The following NAA16 variants were observed in gnomAD, a reference collection of about 807,000 sequenced individuals.
The protein encoded by NAA16 is NARG1-like protein.
In NAA16, 97 loss-of-function variants were observed where a neutral mutation model predicts 110.3. That is an observed-to-expected ratio of 0.88 (90% CI 0.75 to 1.04). NAA16 has a LOEUF of 1.04. Ranked by LOEUF, NAA16 falls within the 50% of genes least tolerant of loss-of-function variation. The pLI is 0.00. For missense variants in NAA16, 1,017 were observed against 1,005.1 expected (o/e 1.01, Z -0.16); for synonymous variants, 372 against 330.6 (o/e 1.13, Z -1.36).
chr13:41,349,834 T>C (rs1292597543), intron 9 of NAA16, among the ~76,000 whole-genome samples: 1 of 151,588 alleles, frequency 6.6e-6, no homozygotes, highest in Non-Finnish European at 1.5e-5. Context: ...CTGGGCGTGG[T>C]GGAATAATCC....
At position 41,331,333 on chromosome 13, in the gene NAA16, A is replaced by C. The variant is rs746093968; in HGVS notation, c.871A>C (p.Ile291Leu). Residue 291 changes from isoleucine to leucine, a missense_variant, in exon 8 of 20, where the codon ATT (isoleucine) becomes CTT (leucine). Physicochemically the swap from Ile to Leu is conservative, Grantham distance 5. Transcript: ENST00000379406. ...AATTAGTAAGCAGCACCCCAAAGCAATTACACCCAGAAGATTACCTTTGAC... is the reference window on the plus strand; with the variant it reads ...AATTAGTAAGCAGCACCCCAAAGCACTTACACCCAGAAGATTACCTTTGAC... Reference protein sequence around the residue: ...EEISKQHPKAITPRRLPLTLV... With the variant: ...EEISKQHPKALTPRRLPLTLV... 6.2e-7 allele frequency: 1 copy of C among 1,609,746 alleles called. No individual in the cohort carries two copies. The highest frequency in any genetic ancestry group is 1.7e-5 in the Admixed American group (1 of 59,924).
chr13:41,342,889 A>G (rs370436450), intron 9 of NAA16, among the ~76,000 whole-genome samples: 52 of 152,324 alleles, frequency 3.4e-4, no homozygotes, highest in African/African-American at 1.0e-3. Flanking sequence ...GCACTCTTCC[A>G]TCAGTTTCCG....
chr13:41,325,740 T>C lies in NAA16; in HGVS notation c.580T>C (p.Leu194=), dbSNP rs563328537. 1.5e-5 allele frequency: 24 copies of C among 1,600,808 alleles called. No individual in the cohort carries two copies. The highest frequency in any genetic ancestry group is 2.2e-5 in the East Asian group (1 of 44,614). ...KIDYEYSELI[L]YQNQVMREAD... ...AGATTATGAATATAGTGAATTGATA[T>C]TATACCAGAATCAAGTGATGAGAGA... is the stretch of plus-strand genomic sequence containing the variant. Residue 194 remains leucine, a synonymous_variant, in exon 6 of 20, where the codon TTA becomes CTA. Coordinates refer to ENST00000379406, the MANE Select transcript of NAA16 (RefSeq NM_024561.5).
intron 7 of NAA16, among the ~76,000 whole-genome samples, chr13:41,330,645 T>A (rs1281076366): frequency 6.6e-6 from 1 of 152,098 alleles, no homozygotes; most frequent in Non-Finnish European, 1.5e-5. Context: ...ACATGTAGTT[T>A]ATGTATAGAT....
At chr13:41,329,119 C>T (rs2042168795) in intron 7 of NAA16, among the ~76,000 whole-genome samples, 2 of 151,866 alleles carry the variant, frequency 1.3e-5, no homozygotes, top group Non-Finnish European at 2.9e-5. Flanking sequence ...CAAAAAAAAC[C>T]ATACCAATTT....
At chr13:41,342,024 G>A (rs2042563013) in intron 9 of NAA16, among the ~76,000 whole-genome samples, 1 of 151,376 alleles carries the variant, frequency 6.6e-6, no homozygotes, top group South Asian at 2.1e-4. Flanking sequence ...AGTAGAGACG[G>A]GGTTTCACTG....
chr13:41,337,478 G>C (rs1232447935), intron 9 of NAA16, among the ~76,000 whole-genome samples: 3 of 149,942 alleles, frequency 2.0e-5, no homozygotes, highest in Non-Finnish European at 4.4e-5. Context: ...GGGAGGCAGA[G>C]CTTGAAGTGA....
In NAA16 at chr13:41,373,694, A is replaced by T; in HGVS notation, c.2213A>T (p.Gln738Leu). 6.2e-7 allele frequency: 1 copy of T among 1,611,920 alleles called. No individual in the cohort carries two copies. The highest frequency in any genetic ancestry group is 8.5e-7 in the Non-Finnish European group (1 of 1,179,156). Reference sequence around the variant, plus strand: ...AGCAAAGTTCTATCTCAAGAAATGCAGAAAATATTTGTCAAAAAGGATTTG... The same window carrying T: ...AGCAAAGTTCTATCTCAAGAAATGCTGAAAATATTTGTCAAAAAGGATTTG... ...IVSKVLSQEM[Q>L]KIFVKKDLES... is the part of the protein sequence containing the mutation. The change falls in exon 18 of 20, where the codon CAG (glutamine) becomes CTG (leucine). Residue 738 changes from glutamine (Q) to leucine (L), a missense_variant. Gln to Leu is a moderately radical substitution (Grantham distance 113). Transcript: ENST00000379406.
chr13:41,338,870 G>A (rs2042453534), intron 9 of NAA16, among the ~76,000 whole-genome samples: 1 of 152,128 alleles, frequency 6.6e-6, no homozygotes, highest in Admixed American at 6.5e-5. Flanking sequence ...CGCCTGAGCA[G>A]TGTGCACTGC....
At chr13:41,337,937 A>G (rs2042426432) in intron 9 of NAA16, among the ~76,000 whole-genome samples, 1 of 152,216 alleles carries the variant, frequency 6.6e-6, no homozygotes, top group Non-Finnish European at 1.5e-5. Context: ...CCCAGTTAGA[A>G]AAAAACATCA....
intron 13 of NAA16, 70 bp downstream of exon 13, chr13:41,362,229 G>T: frequency 6.8e-7 from 1 of 1,478,308 alleles, no homozygotes; most frequent in Non-Finnish European, 9.0e-7. Flanking sequence ...TTCTACACAG[G>T]ATCATCTGCC....
At chr13:41,350,360 C>T (rs1471956919) in intron 9 of NAA16, among the ~76,000 whole-genome samples, 1 of 148,400 alleles carries the variant, frequency 6.7e-6, no homozygotes, top group African/African-American at 2.5e-5. Context: ...GTGGTGTGAT[C>T]TCGGCTCACT....
chr13:41,371,981 G>C (rs955254251), intron 15 of NAA16, among the ~76,000 whole-genome samples: 1 of 152,102 alleles, frequency 6.6e-6, no homozygotes, highest in South Asian at 2.1e-4. Context: ...TTAATAAAAT[G>C]ATCTTGATTT....
In NAA16 at chr13:41,323,134, C is replaced by T. The variant is rs781643745; in HGVS notation, c.481C>T (p.Leu161=). The change falls in exon 5 of 20, where the codon CTG becomes TTG. Residue 161 remains leucine, a synonymous_variant. Transcript: ENST00000379406. The stretch of plus-strand genomic sequence containing the variant: ...TGGATATGCTATTGCATACCATTTG[C>T]TGAAAGATTATGATATGGCCCTAAA... ...WIGYAIAYHL[L]KDYDMALKLL... 2.5e-6 allele frequency: 4 copies of T among 1,614,018 alleles called. No individual in the cohort carries two copies. The South Asian group carries it at 4.4e-5, about 18-fold the overall frequency.
rs542616177 is a variant in NAA16 at position 41,322,147 on chromosome 13, C to A, written c.403-909C>A. ...GTCTTAGTCCTGGCTACTTGAGAGG[C>A]TGATGTAGAAGGATTGCTTGAGCCC... On this transcript the variant is annotated intron_variant, in intron 4 of 19. Coordinates refer to ENST00000379406, the MANE Select transcript of NAA16 (RefSeq NM_024561.5). Among the ~76,000 whole-genome samples, 11 of 152,234 alleles carry A rather than the reference C, an allele frequency of 7.2e-5. No individual in the cohort carries two copies. In the South Asian group the frequency reaches 2.3e-3, roughly 32 times the overall value.
intron 8 of NAA16, among the ~76,000 whole-genome samples, chr13:41,333,602 G>A (rs905496790): frequency 8.6e-5 from 13 of 152,018 alleles, no homozygotes; most frequent in African/African-American, 3.1e-4. Flanking sequence ...TATTGTGTGT[G>A]GGGGGGATAT....
At chr13:41,363,167 C>T (rs2043146782) in intron 13 of NAA16, among the ~76,000 whole-genome samples, 2 of 152,066 alleles carry the variant, frequency 1.3e-5, no homozygotes, top group Non-Finnish European at 2.9e-5. Flanking sequence ...GTGAAATACC[C>T]AAGCATTCTA....
intron 9 of NAA16, among the ~76,000 whole-genome samples, chr13:41,337,165 TTAC>T (rs2042402280): frequency 6.6e-6 from 1 of 152,172 alleles, no homozygotes; most frequent in African/African-American, 2.4e-5. Flanking sequence ...CTGGTACAAA[TTAC>T]TAGGTTTAAT....
chr13:41,312,793 A>G (rs945746564), intron 1 of NAA16, among the ~76,000 whole-genome samples: 2 of 152,098 alleles, frequency 1.3e-5, no homozygotes, highest in African/African-American at 2.4e-5. Flanking sequence ...TGGGATAAAA[A>G]TTTTAAATAT....
Sources: allele counts gnomAD v4.1 joint callset (sites outside exome capture counted in the v4.1 genomes callset), GRCh38; gene constraint gnomAD v4.1.1; transcripts MANE v1.5; gene names NCBI Gene and HGNC (gene_info 2026-07-23, HGNC 2026-07-21).